The following DCC variants were observed in gnomAD, a reference collection of about 807,000 sequenced individuals.
DCC encodes the protein DCC netrin 1 receptor, also known as netrin receptor DCC.
In DCC, 58 loss-of-function variants were observed where a neutral mutation model predicts 172.5. The ratio of observed to expected loss-of-function variants is 0.34; its 90% CI spans 0.27 to 0.42. The LOEUF is 0.42. Among genes scored for constraint, DCC ranks in the 10% least tolerant of loss-of-function variants. DCC has a pLI of 1.00. For missense variants in DCC, 1,740 were observed against 1,791.0 expected (o/e 0.97, Z 0.51); for synonymous variants, 709 against 644.5 (o/e 1.10, Z -1.52).
intron 8 of DCC, among the ~76,000 whole-genome samples, chr18:53,158,650 C>A (rs188757032): frequency 1.3e-5 from 2 of 152,154 alleles, no homozygotes; most frequent in Admixed American, 1.3e-4. Context: ...TCAAGTTTAG[C>A]CTTTTAAAGT....
chr18:52,969,582 C>CACTCTCTCTCTCTCTCTCT (rs60961374), intron 5 of DCC, among the ~76,000 whole-genome samples: 2 of 80,062 alleles, frequency 2.5e-5, no homozygotes, highest in African/African-American at 1.1e-4. Context: ...GCCCCGCCCC[C>CACTCTCTCTCTCTCTCTCT]CACTCTCTCT....
intron 2 of DCC, among the ~76,000 whole-genome samples, chr18:52,905,290 A>G (rs577471037): frequency 7.9e-5 from 12 of 152,208 alleles, no homozygotes; most frequent in Non-Finnish European, 1.6e-4. Context: ...ATGTTATTTC[A>G]TATGAACATT....
intron 26 of DCC, among the ~76,000 whole-genome samples, chr18:53,493,335 G>C (rs1203221637): frequency 6.6e-6 from 1 of 152,100 alleles, no homozygotes; most frequent in African/African-American, 2.4e-5. Flanking sequence ...CTGCCTGATT[G>C]CCCTGGCCAG....
At chr18:52,725,711 AT>A (rs1020464951) in intron 1 of DCC, among the ~76,000 whole-genome samples, 1 of 152,192 alleles carries the variant, frequency 6.6e-6, no homozygotes, top group East Asian at 1.9e-4. Flanking sequence ...AAGGTCGATG[AT>A]TTTGACTAAG....
chr18:52,483,701 T>A (rs907223058), intron 1 of DCC, among the ~76,000 whole-genome samples: 14 of 152,250 alleles, frequency 9.2e-5, no homozygotes, highest in Admixed American at 5.9e-4. Context: ...ATGTAAGTAC[T>A]TTTAATCTAA....
chr18:52,461,373 T>A (rs1292044973), intron 1 of DCC, among the ~76,000 whole-genome samples: 1 of 152,192 alleles, frequency 6.6e-6, no homozygotes, highest in Non-Finnish European at 1.5e-5. Context: ...ATTTTCCAGT[T>A]AACTTTTCTT....
At chr18:53,259,317 A>T (rs2144677592) in intron 12 of DCC, among the ~76,000 whole-genome samples, 1 of 152,282 alleles carries the variant, frequency 6.6e-6, no homozygotes, top group African/African-American at 2.4e-5. Flanking sequence ...GATGGTCTTT[A>T]CAATTTGGGA....
intron 5 of DCC, among the ~76,000 whole-genome samples, chr18:53,053,973 T>C (rs1239020920): frequency 6.6e-6 from 1 of 152,116 alleles, no homozygotes; most frequent in African/African-American, 2.4e-5. Flanking sequence ...ATATTTTATA[T>C]AGAAGAAGAG....
At chr18:52,939,144 G>T (rs184164048) in intron 5 of DCC, among the ~76,000 whole-genome samples, 7 of 152,040 alleles carry the variant, frequency 4.6e-5, no homozygotes, top group Admixed American at 3.9e-4. Flanking sequence ...TATTCACTAG[G>T]ATCTATCAAT....
At chr18:52,699,792 A>G (rs144002012) in intron 1 of DCC, among the ~76,000 whole-genome samples, 1 of 152,270 alleles carries the variant, frequency 6.6e-6, no homozygotes, top group East Asian at 1.9e-4. Context: ...GGATGTCAGC[A>G]GACATGAACT....
At chr18:52,406,196 T>G (rs571957699) in intron 1 of DCC, among the ~76,000 whole-genome samples, 2 of 151,408 alleles carry the variant, frequency 1.3e-5, no homozygotes, top group East Asian at 3.9e-4. Flanking sequence ...GACTTAAATG[T>G]TAGACCTAAA....
chr18:52,490,775 G>A (rs572647134), intron 1 of DCC, among the ~76,000 whole-genome samples: 12 of 152,154 alleles, frequency 7.9e-5, no homozygotes, highest in African/African-American at 2.6e-4. Context: ...TGGGGTATTA[G>A]GGACAGCAAA....
At chr18:52,552,857 C>T (rs1159142973) in intron 1 of DCC, among the ~76,000 whole-genome samples, 3 of 152,016 alleles carry the variant, frequency 2.0e-5, no homozygotes, top group African/African-American at 7.2e-5. Context: ...AAGTATTTCT[C>T]ACACTTTTCA....
At chr18:53,357,111 A>G (rs1324492764) in intron 15 of DCC, among the ~76,000 whole-genome samples, 9 of 152,156 alleles carry the variant, frequency 5.9e-5, no homozygotes, top group East Asian at 1.9e-4. Flanking sequence ...GAGTTCTTTA[A>G]TAAGTGATTA....
At chr18:52,873,420 C>T (rs959998263) in intron 2 of DCC, among the ~76,000 whole-genome samples, 1 of 152,166 alleles carries the variant, frequency 6.6e-6, no homozygotes, top group African/African-American at 2.4e-5. Context: ...CACGAGCTTG[C>T]CTATGACATG....
chr18:52,927,737 A>G (rs1002429697), intron 5 of DCC, among the ~76,000 whole-genome samples: 1 of 152,122 alleles, frequency 6.6e-6, no homozygotes, highest in Non-Finnish European at 1.5e-5. Flanking sequence ...CAGAATGTCT[A>G]TTACTAAAAG....
chr18:52,478,927 C>G (rs947578343), intron 1 of DCC, among the ~76,000 whole-genome samples: 18 of 152,268 alleles, frequency 1.2e-4, no homozygotes, highest in African/African-American at 4.3e-4. Flanking sequence ...GTATCAGGCA[C>G]TGTGCTAGAT....
At chr18:52,378,334 C>T (rs1985439379) in intron 1 of DCC, among the ~76,000 whole-genome samples, 1 of 151,462 alleles carries the variant, frequency 6.6e-6, no homozygotes, top group African/African-American at 2.4e-5. Flanking sequence ...TAGAATTTCA[C>T]ATTGAGAAGA....
At chr18:53,487,905 G>C (rs2045919752) in intron 26 of DCC, among the ~76,000 whole-genome samples, 1 of 152,078 alleles carries the variant, frequency 6.6e-6, no homozygotes, top group Non-Finnish European at 1.5e-5. Flanking sequence ...GATGTAGAAA[G>C]TCTAATAACC....
Sources: allele counts gnomAD v4.1 joint callset (sites outside exome capture counted in the v4.1 genomes callset), GRCh38; gene constraint gnomAD v4.1.1; transcripts MANE v1.5; gene names NCBI Gene and HGNC (gene_info 2026-07-23, HGNC 2026-07-21).